STAG1: variants seen among roughly 807,000 people sequenced by gnomAD.
STAG1 encodes the protein cohesin subunit SA-1.
STAG1 carries 26 observed loss-of-function variants against 170.9 expected under a neutral mutation model. The ratio of observed to expected loss-of-function variants is 0.15; its 90% confidence interval spans 0.11 to 0.21. The LOEUF is 0.21. Among genes scored for constraint, STAG1 ranks in the 10% least tolerant of loss-of-function variants. The probability of loss-of-function intolerance (pLI) is 1.00; values close to 1 mark genes in which losing one functional copy is unlikely to be tolerated. For missense variants in STAG1, 964 were observed against 1,509.5 expected, an observed-to-expected ratio of 0.64 and a Z score of 5.99; for synonymous variants, 514 against 497.7, an observed-to-expected ratio of 1.03 and a Z score of -0.44.
chr3:136,673,758 T>C (rs1480717980), intron 1 of STAG1, among the ~76,000 whole-genome samples: 2 of 152,136 alleles, frequency 1.3e-5, no homozygotes, highest in Non-Finnish European at 2.9e-5. Flanking sequence ...ACTTGCTAAA[T>C]GTGGAACAAT....
Position 136,465,005 on chromosome 3 carries a change from G to C in STAG1, c.1206-17C>G. 6.4e-7 allele frequency: 1 copy of C among 1,568,098 alleles called. No individual in the cohort carries two copies. On this transcript the variant is annotated splice_polypyrimidine_tract_variant and intron_variant, in intron 12 of 33. Coordinates refer to ENST00000383202, the MANE Select transcript of STAG1 (RefSeq NM_005862.3). ...TCACTTCCACTGAAAAATACAGAAA[G>C]TAACATCTGATCTAAAGCAAATGTT...
At chr3:136,668,948 T>C (rs577242151) in intron 1 of STAG1, among the ~76,000 whole-genome samples, 45 of 152,364 alleles carry the variant, frequency 3.0e-4, no homozygotes, top group African/African-American at 1.1e-3. Flanking sequence ...TTTCCAACTA[T>C]GCTTGCTTTC....
intron 15 of STAG1, among the ~76,000 whole-genome samples, chr3:136,438,000 CA>C: frequency 6.6e-6 from 1 of 152,180 alleles, no homozygotes; most frequent in East Asian, 1.9e-4. Flanking sequence ...TTAAAATCTT[CA>C]AAAGCATCTT....
At chr3:136,736,583 T>G in intron 1 of STAG1, 2 of 1,541,040 alleles carry the variant, frequency 1.3e-6, no homozygotes, top group Non-Finnish European at 1.8e-6. Context: ...CTTGGAAGTT[T>G]CGCCAGCTGT....
At chr3:136,526,056 G>A (rs1488462216) in intron 6 of STAG1, among the ~76,000 whole-genome samples, 1 of 152,182 alleles carries the variant, frequency 6.6e-6, no homozygotes, top group Non-Finnish European at 1.5e-5. Flanking sequence ...GTGGTGCTGA[G>A]AAGAATGTAT....
At chr3:136,745,261 T>C (rs1488998432) in intron 1 of STAG1, among the ~76,000 whole-genome samples, 1 of 152,090 alleles carries the variant, frequency 6.6e-6, no homozygotes. Context: ...GGTAAGACAT[T>C]CTCACATAAC....
chr3:136,427,406 C>T (rs2088163724), intron 16 of STAG1, among the ~76,000 whole-genome samples: 1 of 152,096 alleles, frequency 6.6e-6, no homozygotes, highest in African/African-American at 2.4e-5. Context: ...CAGTTGGTCT[C>T]TCCAGTGAAT....
At chr3:136,629,364 AATAG>A (rs1369350418) in intron 2 of STAG1, among the ~76,000 whole-genome samples, 1 of 152,058 alleles carries the variant, frequency 6.6e-6, no homozygotes. Context: ...CTAAGACTTA[AATAG>A]ATAGTGGCTT....
intron 1 of STAG1, among the ~76,000 whole-genome samples, chr3:136,730,463 C>T (rs150178348): frequency 2.6e-5 from 4 of 152,292 alleles, no homozygotes; most frequent in African/African-American, 9.6e-5. Flanking sequence ...AGGTACTTAA[C>T]CTCTCTACCT....
chr3:136,396,172 G>T (rs1284836964), intron 22 of STAG1, among the ~76,000 whole-genome samples: 1 of 149,390 alleles, frequency 6.7e-6, no homozygotes, highest in Non-Finnish European at 1.5e-5. Context: ...AAAGTGCTAC[G>T]ATTACAGGCG....
intron 1 of STAG1, chr3:136,737,082 T>A: frequency 9.7e-7 from 1 of 1,036,224 alleles, no homozygotes; most frequent in Non-Finnish European, 1.5e-6. Flanking sequence ...GAAACTGAAG[T>A]AAGAGGAACC....
chr3:136,353,889 T>C (rs1936528678), intron 28 of STAG1, among the ~76,000 whole-genome samples: 1 of 152,194 alleles, frequency 6.6e-6, no homozygotes, highest in Admixed American at 6.5e-5. Flanking sequence ...AAAAAGCAAA[T>C]ATATAAAACA....
chr3:136,529,834 TACAAA>T (rs1935281363), intron 6 of STAG1, among the ~76,000 whole-genome samples: 1 of 152,030 alleles, frequency 6.6e-6, no homozygotes, highest in East Asian at 1.9e-4. Context: ...CAAATAATAT[TACAAA>T]ACAACCAGAA....
chr3:136,646,036 A>T (rs1424854835), intron 1 of STAG1, among the ~76,000 whole-genome samples: 2 of 152,084 alleles, frequency 1.3e-5, no homozygotes, highest in South Asian at 4.1e-4. Context: ...AATATGACCT[A>T]ATCTTCCAAC....
intron 1 of STAG1, among the ~76,000 whole-genome samples, chr3:136,746,816 G>T (rs1024070989): frequency 1.3e-5 from 2 of 152,070 alleles, no homozygotes; most frequent in Middle Eastern, 3.4e-3. Context: ...TAGCCAGGCA[G>T]CCAGGCACAG....
chr3:136,371,081 G>C (rs1287486683), intron 23 of STAG1, among the ~76,000 whole-genome samples: 1 of 152,020 alleles, frequency 6.6e-6, no homozygotes, highest in Non-Finnish European at 1.5e-5. Context: ...TCTCATTGTG[G>C]TTTTGATTTG....
chr3:136,720,684 G>C (rs1429154845), intron 1 of STAG1, among the ~76,000 whole-genome samples: 1 of 152,094 alleles, frequency 6.6e-6, no homozygotes, highest in East Asian at 1.9e-4. Context: ...TGCTACTCGG[G>C]AGGTTGAGGC....
chr3:136,597,137 T>C (rs1043089073), intron 4 of STAG1, among the ~76,000 whole-genome samples: 13 of 152,310 alleles, frequency 8.5e-5, no homozygotes, highest in African/African-American at 2.6e-4. Context: ...CTGTTTATTA[T>C]AGAAATTTGG....
intron 4 of STAG1, among the ~76,000 whole-genome samples, chr3:136,590,933 G>A (rs1477844715): frequency 1.3e-5 from 2 of 151,726 alleles, no homozygotes; most frequent in East Asian, 3.9e-4. Context: ...ATCTGATGAT[G>A]CACAACCTCT....
Sources: allele counts gnomAD v4.1 joint callset (sites outside exome capture counted in the v4.1 genomes callset), GRCh38; gene constraint gnomAD v4.1.1; transcripts MANE v1.5; gene names NCBI Gene and HGNC (gene_info 2026-07-23, HGNC 2026-07-21).